The following PTPN12 variants were observed in gnomAD, a reference collection of about 807,000 sequenced individuals.
PTPN12 encodes tyrosine-protein phosphatase non-receptor type 12.
In PTPN12, 29 loss-of-function variants were observed where a neutral mutation model predicts 97.6. The observed-to-expected ratio is 0.30, with a 90% CI of 0.22 to 0.41. The LOEUF (loss-of-function observed/expected upper bound fraction) is 0.41, where lower values mean the gene tolerates loss of function less well. PTPN12 is among the 10% of genes least tolerant of loss of function. The pLI is 1.00. For missense variants in PTPN12, 819 were observed against 926.0 expected, an observed-to-expected ratio of 0.88 and a Z score of 1.50; for synonymous variants, 327 against 300.4, an observed-to-expected ratio of 1.09 and a Z score of -0.91.
intron 2 of PTPN12, among the ~76,000 whole-genome samples, chr7:77,580,023 A>G (rs1427131924): frequency 6.6e-6 from 1 of 152,254 alleles, no homozygotes; most frequent in Non-Finnish European, 1.5e-5. Context: ...AATTTACCCT[A>G]CAGCAATGCT....
chr7:77,607,339 C>T, intron 9 of PTPN12, 38 bp downstream of exon 9: 1 of 1,385,470 alleles, frequency 7.2e-7, no homozygotes, highest in South Asian at 1.2e-5. Flanking sequence ...TTCAATTGAT[C>T]TATTATGATT....
intron 10 of PTPN12, 47 bp downstream of exon 10, chr7:77,610,889 T>G (rs1421050534): frequency 6.3e-7 from 1 of 1,582,180 alleles, no homozygotes; most frequent in Non-Finnish European, 8.6e-7. Context: ...TATAAATGCT[T>G]TCTTCTTTTT....
chr7:77,545,149 G>T (rs1438540655), intron 1 of PTPN12, among the ~76,000 whole-genome samples: 1 of 152,020 alleles, frequency 6.6e-6, no homozygotes. Flanking sequence ...TAAACTTTTG[G>T]CTTTGGACTT....
chr7:77,600,469 T>G (rs1788155981), intron 7 of PTPN12, among the ~76,000 whole-genome samples, 195 bp from the exon 8 acceptor site: 1 of 152,190 alleles, frequency 6.6e-6, no homozygotes, highest in Admixed American at 6.6e-5. Flanking sequence ...GAAATTAAAT[T>G]GTTACATGTG....
intron 1 of PTPN12, among the ~76,000 whole-genome samples, chr7:77,561,980 C>T (rs1283443972): frequency 5.3e-5 from 8 of 151,200 alleles, no homozygotes; most frequent in East Asian, 1.9e-4. Context: ...TTAGTAGAGA[C>T]GGGGTTTCAC....
Position 77,639,380 on chromosome 7 carries a change from C to G in PTPN12, c.*100C>G. On this transcript the variant is annotated 3_prime_UTR_variant, in exon 18 of 18. Transcript: ENST00000248594. Reference sequence around the variant, plus strand: ...CATCTTTAATATGTGGGACTAACAGCAGTGTAGATTGTTACCTTAATATTT... The same window carrying G: ...CATCTTTAATATGTGGGACTAACAGGAGTGTAGATTGTTACCTTAATATTT... The G allele has an allele frequency of 1.1e-6, 1 of 947,440 alleles. No homozygotes were observed. Among genetic ancestry groups the G allele is most frequent in the Non-Finnish European group, 1.6e-6 (1 of 616,690 alleles). 58.7% of individuals were successfully genotyped at this position (947,440 alleles called of 1,614,324 possible).
chr7:77,608,130 G>A (rs1168079058), intron 9 of PTPN12, among the ~76,000 whole-genome samples: 1 of 152,132 alleles, frequency 6.6e-6, no homozygotes, highest in African/African-American at 2.4e-5. Context: ...AGACATTATA[G>A]TATTGTAGTC....
intron 9 of PTPN12, among the ~76,000 whole-genome samples, chr7:77,609,762 T>A (rs1010797936): frequency 5.9e-5 from 9 of 151,634 alleles, no homozygotes; most frequent in African/African-American, 2.2e-4. Flanking sequence ...GGGCCTGTAG[T>A]CCCAGCTACT....
At chr7:77,585,134 G>T in intron 4 of PTPN12, 1 of 152,550 alleles carries the variant, frequency 6.6e-6, no homozygotes, top group Non-Finnish European at 1.5e-5. Flanking sequence ...GGAAAAAGCA[G>T]GTGTGATCAA....
intron 4 of PTPN12, among the ~76,000 whole-genome samples, chr7:77,584,641 G>T (rs1048910091): frequency 9.2e-5 from 14 of 152,304 alleles, no homozygotes; most frequent in Admixed American, 8.5e-4. Flanking sequence ...ACTTTGGGAG[G>T]CCGAGGTGGG....
chr7:77,602,129 T>C (rs1026568613), intron 8 of PTPN12, among the ~76,000 whole-genome samples: 15 of 151,894 alleles, frequency 9.9e-5, no homozygotes, highest in African/African-American at 3.6e-4. Flanking sequence ...CCTTTGACTT[T>C]GGGGGAATGA....
chr7:77,586,225 A>T (rs1787685586), intron 5 of PTPN12, among the ~76,000 whole-genome samples: 1 of 152,200 alleles, frequency 6.6e-6, no homozygotes, highest in South Asian at 2.1e-4. Context: ...AAGTGCTAGG[A>T]TTATAGACGT....
intron 8 of PTPN12, among the ~76,000 whole-genome samples, chr7:77,602,358 A>G (rs1788218941): frequency 6.6e-6 from 1 of 152,234 alleles, no homozygotes; most frequent in African/African-American, 2.4e-5. Flanking sequence ...TATACATTAT[A>G]TGTAATACAT....
intron 1 of PTPN12, among the ~76,000 whole-genome samples, chr7:77,569,568 C>G (rs1808390640): frequency 6.6e-6 from 1 of 152,082 alleles, no homozygotes; most frequent in Non-Finnish European, 1.5e-5. Flanking sequence ...GTCAGGAGTT[C>G]AAGACCAGCC....
intron 7 of PTPN12, among the ~76,000 whole-genome samples, chr7:77,598,226 G>T (rs372008945): frequency 6.7e-6 from 1 of 148,652 alleles, no homozygotes; most frequent in Non-Finnish European, 1.5e-5. Flanking sequence ...TGAGAATAGA[G>T]AATAGTTTTC....
chr7:77,614,611 C>G (rs574641776), intron 11 of PTPN12, among the ~76,000 whole-genome samples: 9 of 152,086 alleles, frequency 5.9e-5, no homozygotes, highest in African/African-American at 1.9e-4. Context: ...TTCCAGATAA[C>G]TTTTTAGTAT....
At chr7:77,615,136 G>A (rs1050636846) in intron 11 of PTPN12, among the ~76,000 whole-genome samples, 1 of 152,092 alleles carries the variant, frequency 6.6e-6, no homozygotes, top group African/African-American at 2.4e-5. Context: ...AAAGGACACC[G>A]TTACAAGTAC....
chr7:77,609,271 CTCT>C (rs1270998194), intron 9 of PTPN12, among the ~76,000 whole-genome samples: 26 of 71,358 alleles, frequency 3.6e-4, no homozygotes, highest in African/African-American at 2.4e-3. Flanking sequence ...TTCTCTCTCT[CTCT>C]TTTTTTTTTT....
At chr7:77,537,675 C>T (rs201914315) in intron 1 of PTPN12, 30 bp downstream of exon 1, 2 of 1,558,596 alleles carry the variant, frequency 1.3e-6, no homozygotes, top group Non-Finnish European at 1.7e-6. Context: ...GTCGCGTTTT[C>T]TTGCCGGCGC....
Sources: allele counts gnomAD v4.1 joint callset (sites outside exome capture counted in the v4.1 genomes callset), GRCh38; gene constraint gnomAD v4.1.1; transcripts MANE v1.5; gene names NCBI Gene and HGNC (gene_info 2026-07-23, HGNC 2026-07-21).